ARFRP1: variants seen among roughly 807,000 people sequenced by gnomAD.
ARFRP1 encodes the protein ADP-ribosylation factor-related protein 1.
In ARFRP1, 19 loss-of-function variants were observed where a neutral mutation model predicts 30.3. That is an observed-to-expected ratio of 0.63 (90% CI 0.44 to 0.92). The LOEUF is 0.92. Ranked by LOEUF, ARFRP1 falls within the 40% of genes least tolerant of loss-of-function variation. The pLI is 0.00. For synonymous variants in ARFRP1, 133 were observed against 114.2 expected, an observed-to-expected ratio of 1.16 and a Z score of -1.05; for missense variants, 245 against 267.5, an observed-to-expected ratio of 0.92 and a Z score of 0.59.
At chr20:63,702,010 C>CA (rs1418292426) in intron 5 of ARFRP1, 110 bp from the exon 6 acceptor site, 25 of 893,108 alleles carry the variant, frequency 2.8e-5, no homozygotes, top group Admixed American at 5.0e-5. Flanking sequence ...CCCCCCCCCC[C>CA]CCGTCACCCA....
At chr20:63,704,323 C>T (rs2091353367) in intron 4 of ARFRP1, 1 of 152,314 alleles carries the variant, frequency 6.6e-6, no homozygotes, top group Non-Finnish European at 1.5e-5. Flanking sequence ...GGGTCCCGGC[C>T]ACTAGAGCAG....
intron 4 of ARFRP1, chr20:63,703,787 G>C (rs1469521907): frequency 6.6e-6 from 1 of 152,468 alleles, no homozygotes; most frequent in African/African-American, 2.4e-5. Context: ...CACCTACCAG[G>C]CACAAGGTGC....
rs777819238 is a variant in ARFRP1 at position 63,702,104 on chromosome 20, C to T, written c.346+32G>A. On this transcript the variant is annotated intron_variant, in intron 5 of 7. Transcript: ENST00000622789. ...GCTGGACCTGCCCCCACTCACCATC[C>T]ATCCCTCCCAGAGCAGCCAGGCCGC... The T allele has an allele frequency of 1.9e-6, 3 of 1,601,324 alleles. No homozygotes were observed. The Admixed American group carries it at 5.0e-5, about 27-fold the overall frequency.
intron 5 of ARFRP1, 98 bp from the exon 6 acceptor site, chr20:63,701,998 G>GCGCCCCCCCCCCCC: frequency 1.7e-6 from 1 of 583,916 alleles, no homozygotes; most frequent in Non-Finnish European, 2.6e-6. Context: ...CACTCCCTCT[G>GCGCCCCCCCCCCCC]CCCCCCCCCC....
intron 4 of ARFRP1, chr20:63,705,864 C>T (rs2091430168): frequency 2.2e-6 from 1 of 452,990 alleles, no homozygotes. Flanking sequence ...AAACCCAAGC[C>T]AGGGTTTGAA....
intron 6 of ARFRP1, chr20:63,701,561 C>T: frequency 1.7e-6 from 1 of 581,200 alleles, no homozygotes; most frequent in Non-Finnish European, 3.1e-6. Flanking sequence ...TGAGACACGG[C>T]CGCCCTCCTG....
chr20:63,706,173 C>T lies in ARFRP1; in HGVS notation c.264+184G>A, dbSNP rs1159814619. On this transcript the variant is annotated intron_variant, in intron 4 of 7. Coordinates refer to ENST00000622789, the MANE Select transcript of ARFRP1 (RefSeq NM_001267547.3). The stretch of plus-strand genomic sequence containing the variant: ...TCCCCTACCACCACTTTTGGGGCAA[C>T]TTCAGCTAAGGGTTCAGCTGGGACA... 8.4e-6 allele frequency: 5 copies of T among 594,824 alleles called. 1 individual carries two copies. 36.8% of individuals were successfully genotyped at this position (594,824 alleles called of 1,614,324 possible). A position where few individuals can be genotyped will look rare whatever the true frequency, so the allele number is the denominator to read the frequency against.
At chr20:63,704,388 C>G (rs1163190223) in intron 4 of ARFRP1, 1 of 152,296 alleles carries the variant, frequency 6.6e-6, no homozygotes, top group Non-Finnish European at 1.5e-5. Context: ...ATGGGCATGA[C>G]TTGCACCTCA....
rs982611961 is a variant in ARFRP1, at chr20:63,701,808, G to A, written c.417+22C>T. The A allele has an allele frequency of 1.9e-5, 29 of 1,548,750 alleles. 1 individual carries two copies. In the East Asian group the frequency reaches 1.9e-4, roughly 10 times the overall value. ...GGCTGGGGACTCGGGAAGCTGCTGC[G>A]GGAGGCAGGGGTGGGGCTCACCTCC... On this transcript the variant is annotated intron_variant, in intron 6 of 7. Transcript: ENST00000622789.
At chr20:63,701,211 G>A in intron 6 of ARFRP1, 1 of 530,014 alleles carries the variant, frequency 1.9e-6, no homozygotes, top group Non-Finnish European at 3.9e-6. Flanking sequence ...CTTGTCGGCT[G>A]AGATTGTAGG....
intron 5 of ARFRP1, 39 bp from the exon 6 acceptor site, chr20:63,701,939 TC>T: frequency 6.5e-7 from 1 of 1,533,650 alleles, no homozygotes; most frequent in African/African-American, 1.4e-5. Context: ...ACACCCAGCA[TC>T]CTGCCTCTGA....
Position 63,700,523 on chromosome 20 carries a change from C to A in ARFRP1, c.526G>T (p.Val176Leu), listed in dbSNP as rs144341687. 7.0e-5 allele frequency: 112 copies of A among 1,610,902 alleles called. No individual in the cohort carries two copies. The Middle Eastern group carries it at 8.4e-4, about 12-fold the overall frequency. Residue 176 changes from valine to leucine, a missense_variant, in exon 8 of 8, where the codon GTG becomes TTG. Physicochemically the swap from Val to Leu is conservative, Grantham distance 32 (BLOSUM62 1). Transcript: ENST00000622789. ...ACCATCCACTCGATGCCCTCGCGCA[C>A]CCCTTTGCTGTGAAGACAGCGGGTG... ...QACSALTGKG[V>L]REGIEWMVKC...
intron 1 of ARFRP1, chr20:63,707,573 A>T (rs2091551442): frequency 6.3e-6 from 1 of 157,864 alleles, no homozygotes; most frequent in Non-Finnish European, 1.4e-5. Flanking sequence ...GGGACGCCCC[A>T]TCACCCCATT....
At chr20:63,702,051 A>T in intron 5 of ARFRP1, 85 bp downstream of exon 5, 1 of 1,274,954 alleles carries the variant, frequency 7.8e-7, no homozygotes, top group Non-Finnish European at 1.1e-6. Context: ...CCAGACACTG[A>T]GCCTGCCCCA....
At chr20:63,706,214 C>G (rs149843399) in intron 4 of ARFRP1, 143 bp downstream of exon 4, 3 of 779,146 alleles carry the variant, frequency 3.9e-6, no homozygotes, top group Admixed American at 2.2e-5. Context: ...GGGAGCCACT[C>G]GGGAACCTGG....
chr20:63,706,985 G>T lies in ARFRP1; in HGVS notation c.93+14C>A. The T allele has an allele frequency of 6.2e-7, 1 of 1,613,026 alleles. No individual in the cohort carries two copies. Among genetic ancestry groups the T allele is most frequent in the East Asian group, 2.2e-5 (1 of 44,874 alleles). ...GGCCGTGGGAAAGGTGCGCGCAAGG[G>T]CGTGGGCACTCACCGTCTTCCCAGC... On this transcript the variant is annotated intron_variant, in intron 2 of 7. Transcript: ENST00000622789.
In ARFRP1 at chr20:63,698,670, A is replaced by C; in HGVS notation, c.*1773T>G. On this transcript the variant is annotated 3_prime_UTR_variant, in exon 8 of 8. Transcript: ENST00000622789. ...GGTTTCTTAAAGCTTATTTTTATAA[A>C]GCTTTTTCATAAAACTGGTTGTAGT... 1 of 1,295,704 alleles carries C rather than the reference A, an allele frequency of 7.7e-7. No homozygotes were observed. Among genetic ancestry groups the C allele is most frequent in the East Asian group, 3.1e-5 (1 of 32,222 alleles). The allele number at this position is 1,295,704 out of a possible 1,614,324, so 80.3% of individuals were successfully genotyped here.
chr20:63,700,586 T>C lies in ARFRP1; in HGVS notation c.518+16A>G. On this transcript the variant is annotated intron_variant, in intron 7 of 7. Coordinates refer to ENST00000622789, the MANE Select transcript of ARFRP1 (RefSeq NM_001267547.3). ...TCTCGGTCCCCAAAGCCCCCGCAGGTGCAGCCCCCACTCACCCTGTGAGGG... is the reference window on the plus strand; with the variant it reads ...TCTCGGTCCCCAAAGCCCCCGCAGGCGCAGCCCCCACTCACCCTGTGAGGG... The C allele has an allele frequency of 1.2e-6, 2 of 1,610,232 alleles. No homozygotes were observed. Among genetic ancestry groups the C allele is most frequent in the Non-Finnish European group, 8.5e-7 (1 of 1,179,800 alleles).
rs1029754810 is a variant in ARFRP1, at chr20:63,700,062, G to A, written c.*381C>T. The A allele has an allele frequency of 5.8e-5, 17 of 292,594 alleles. No individual in the cohort carries two copies. Among genetic ancestry groups the A allele is most frequent in the South Asian group, 2.0e-4 (6 of 29,308 alleles). 18.1% of individuals were successfully genotyped at this position (292,594 alleles called of 1,614,324 possible). On this transcript the variant is annotated 3_prime_UTR_variant, in exon 8 of 8. Coordinates refer to ENST00000622789, the MANE Select transcript of ARFRP1 (RefSeq NM_001267547.3). ...TGACGGGCCTCCTCCTCGATGGGGC[G>A]GAGACAGCCACGGGGTCTCCCGAGG...
Sources: allele counts gnomAD v4.1 joint callset, GRCh38; gene constraint gnomAD v4.1.1; transcripts MANE v1.5; gene names NCBI Gene and HGNC (gene_info 2026-07-23, HGNC 2026-07-21).